The following ASAP2 variants were observed in gnomAD, a reference collection of about 807,000 sequenced individuals.
The protein encoded by ASAP2 is arf-GAP with SH3 domain, ANK repeat and PH domain-containing protein 2.
ASAP2 carries 45 observed loss-of-function variants against 131.4 expected under a neutral mutation model. The observed-to-expected ratio is 0.34, with a 90% confidence interval of 0.27 to 0.44. The LOEUF is 0.44. Among genes scored for constraint, ASAP2 ranks in the 20% least tolerant of loss-of-function variants. ASAP2 has a pLI of 1.00. For missense variants in ASAP2, 1,011 were observed against 1,297.0 expected (o/e 0.78, Z 3.39); for synonymous variants, 510 against 503.0 (o/e 1.01, Z -0.19).
rs1375887159 is a variant in ASAP2, at chr2:9,389,337, C to T, written c.2383+791C>T. Among the ~76,000 whole-genome samples, 1 of 152,208 alleles carries T rather than the reference C, an allele frequency of 6.6e-6. No individual in the cohort carries two copies. Among genetic ancestry groups the T allele is most frequent in the Non-Finnish European group, 1.5e-5 (1 of 68,042 alleles). ...AGACTTTGATGCGGGGCGGGGGGCC[C>T]AGGAAGGACAAGAGTCTGCACAGAG... On this transcript the variant is annotated intron_variant, in intron 22 of 27. Coordinates refer to ENST00000281419, the MANE Select transcript of ASAP2 (RefSeq NM_003887.3). The surrounding 1 kb of genome is among the most constrained non-coding windows in gnomAD (Gnocchi z 4.7).
chr2:9,261,685 CA>C (rs1380430850), intron 1 of ASAP2, among the ~76,000 whole-genome samples: 1 of 152,216 alleles, frequency 6.6e-6, no homozygotes, highest in East Asian at 1.9e-4. Context: ...CAACCTTTAA[CA>C]GTGTGGCCGA....
intron 15 of ASAP2, among the ~76,000 whole-genome samples, chr2:9,367,490 G>A (rs1342184790): frequency 6.6e-6 from 1 of 152,188 alleles, no homozygotes; most frequent in East Asian, 1.9e-4. Context: ...GCCAGGCGCA[G>A]CGGCTCACGC....
chr2:9,225,257 G>T (rs899827151), intron 1 of ASAP2, among the ~76,000 whole-genome samples: 1 of 152,116 alleles, frequency 6.6e-6, no homozygotes, highest in Non-Finnish European at 1.5e-5. Flanking sequence ...CTCTGAGTGA[G>T]TGTGGGTAGA....
intron 3 of ASAP2, 36 bp from the exon 4 acceptor site, chr2:9,318,488 G>A (rs776433039): frequency 7.5e-6 from 11 of 1,475,974 alleles, no homozygotes; most frequent in Non-Finnish European, 1.0e-5. Flanking sequence ...TCACAAGGAA[G>A]CTGAATAAGA....
intron 12 of ASAP2, among the ~76,000 whole-genome samples, chr2:9,354,916 C>A (rs949785825): frequency 6.6e-6 from 1 of 152,218 alleles, no homozygotes; most frequent in Non-Finnish European, 1.5e-5. Context: ...AGAATTGGTA[C>A]TTGTCATCAT....
rs762724658 is a variant in ASAP2 at position 9,380,763 on chromosome 2, G to C, written c.1971G>C (p.Pro657=). The change falls in exon 20 of 28, where the codon CCG becomes CCC. Residue 657 remains proline (P), a synonymous_variant. Transcript: ENST00000281419. ...IEIANESGET[P]LDIAKRLKHE... ...TAGCAAACGAGTCAGGAGAGACTCCGCTGGACATTGCCAAGCGCCTCAAGC... is the reference window on the plus strand; with the variant it reads ...TAGCAAACGAGTCAGGAGAGACTCCCCTGGACATTGCCAAGCGCCTCAAGC... 1 of 1,614,126 alleles carries C rather than the reference G, an allele frequency of 6.2e-7. No homozygotes were observed. Among genetic ancestry groups the C allele is most frequent in the South Asian group, 1.1e-5 (1 of 91,082 alleles).
intron 7 of ASAP2, among the ~76,000 whole-genome samples, chr2:9,329,693 G>A (rs1670706340): frequency 6.6e-6 from 1 of 152,250 alleles, no homozygotes; most frequent in Non-Finnish European, 1.5e-5. Context: ...GACAGCGGGA[G>A]TGGAAGGTGT....
intron 2 of ASAP2, among the ~76,000 whole-genome samples, chr2:9,286,454 A>C (rs914536776): frequency 1.3e-5 from 2 of 151,028 alleles, no homozygotes; most frequent in Non-Finnish European, 2.9e-5. Flanking sequence ...AAAAATATAT[A>C]TATATATACT....
intron 27 of ASAP2, 123 bp downstream of exon 27, chr2:9,401,519 T>C: frequency 7.7e-7 from 1 of 1,290,644 alleles, no homozygotes. Context: ...TAGTTCCTGG[T>C]GCCTCCGCCC....
At chr2:9,399,889 C>T in intron 24 of ASAP2, 134 bp from the exon 25 acceptor site, 1 of 818,782 alleles carries the variant, frequency 1.2e-6, no homozygotes, top group Admixed American at 2.6e-5. Flanking sequence ...AAAAAAGAGA[C>T]AGCTAAGTGA....
intron 24 of ASAP2, 127 bp downstream of exon 24, chr2:9,393,774 C>A: frequency 9.9e-7 from 1 of 1,012,632 alleles, no homozygotes; most frequent in Non-Finnish European, 1.4e-6. Flanking sequence ...ATAACTAATT[C>A]ATCGGGGCTG....
chr2:9,391,201 GT>G lies in ASAP2; in HGVS notation c.2518+12del, dbSNP rs1238228455. On this transcript the variant is annotated splice_donor_region_variant and intron_variant, in intron 23 of 27. Transcript: ENST00000281419. ...CTCTTCGCGTGACATCTACCAGTAC[GT>G]TTTTTTCCTTTTTCCTTTCTTGCCC... is the stretch of plus-strand genomic sequence containing the variant. 6.2e-7 allele frequency: 1 copy of G among 1,609,044 alleles called. No homozygotes were observed.
At chr2:9,302,265 C>T (rs1200631415) in intron 3 of ASAP2, among the ~76,000 whole-genome samples, 2 of 150,144 alleles carry the variant, frequency 1.3e-5, no homozygotes, top group Non-Finnish European at 3.0e-5. Flanking sequence ...CTCTGCCTCT[C>T]GCGTTCAAGC....
chr2:9,324,661 C>T (rs1277644021), intron 6 of ASAP2, among the ~76,000 whole-genome samples: 1 of 152,202 alleles, frequency 6.6e-6, no homozygotes, highest in East Asian at 1.9e-4. Flanking sequence ...TCCACTCATG[C>T]AGTGACCTCC....
At chr2:9,228,017 TAGC>T (rs1388583752) in intron 1 of ASAP2, among the ~76,000 whole-genome samples, 1 of 152,228 alleles carries the variant, frequency 6.6e-6, no homozygotes, top group Non-Finnish European at 1.5e-5. Flanking sequence ...AACCAGATAA[TAGC>T]AGCGAGATCG....
chr2:9,319,503 A>G (rs1022773655), intron 4 of ASAP2, among the ~76,000 whole-genome samples: 5 of 152,246 alleles, frequency 3.3e-5, no homozygotes, highest in Non-Finnish European at 5.9e-5. Flanking sequence ...AAGGCATCCC[A>G]GGCAGAGGAA....
intron 1 of ASAP2, among the ~76,000 whole-genome samples, chr2:9,251,197 A>G (rs1385211267): frequency 6.6e-6 from 1 of 152,228 alleles, no homozygotes; most frequent in Non-Finnish European, 1.5e-5. Context: ...GAGCGTTGTC[A>G]CATCAGGAGT....
At chr2:9,294,206 C>T (rs1017404509) in intron 2 of ASAP2, among the ~76,000 whole-genome samples, 28 of 152,126 alleles carry the variant, frequency 1.8e-4, no homozygotes, top group African/African-American at 6.0e-4. Context: ...ATCATGTTGG[C>T]CAGGCTGGTC....
chr2:9,210,742 G>T (rs539029648), intron 1 of ASAP2, among the ~76,000 whole-genome samples: 60 of 152,132 alleles, frequency 3.9e-4, no homozygotes, highest in Non-Finnish European at 8.1e-4. Flanking sequence ...TTTTAGTAGA[G>T]ATGGGGTTTC....
Sources: gnomAD v4.1 joint callset for allele counts (sites outside exome capture counted in the v4.1 genomes callset) on GRCh38, gnomAD v4.1.1 for gene constraint, Gnocchi (gnomAD v3.1) non-coding constraint, MANE v1.5 for transcripts, NCBI Gene and HGNC (gene_info 2026-07-23, HGNC 2026-07-21) for gene names.